NBR1: variants seen among roughly 807,000 people sequenced by gnomAD.
NBR1 encodes next to BRCA1 gene 1 protein.
In NBR1, 59 loss-of-function variants were observed where a neutral mutation model predicts 115.5. The ratio of observed to expected loss-of-function variants is 0.51; its 90% CI spans 0.41 to 0.63. The LOEUF (loss-of-function observed/expected upper bound fraction) is 0.63, where lower values mean the gene tolerates loss of function less well. Among genes scored for constraint, NBR1 ranks in the 30% least tolerant of loss-of-function variants. The pLI is 0.00. For synonymous variants in NBR1, 373 were observed against 414.7 expected, an observed-to-expected ratio of 0.90 and a Z score of 1.22; for missense variants, 1,043 against 1,150.5, an observed-to-expected ratio of 0.91 and a Z score of 1.35.
chr17:43,192,193 G>A (rs2056964767), intron 10 of NBR1, among the ~76,000 whole-genome samples: 1 of 147,650 alleles, frequency 6.8e-6, no homozygotes, highest in South Asian at 2.2e-4. Flanking sequence ...GCTAATTTTT[G>A]TATTTTTTCA....
rs1317762673 is a variant in NBR1, at chr17:43,200,421, G to C, written c.2281G>C (p.Glu761Gln). ...CTCTGCGCTCTCACAGCCAGGCCTG[G>C]AGCGAGGTGCTGAAGGCAAGCCTGG... The part of the protein sequence containing the change: ...YSSALSQPGL[E>Q]RGAEGKPGVE... The change falls in exon 17 of 21, where the codon GAG becomes CAG. Residue 761 changes from glutamate (E) to glutamine (Q), a missense_variant. Glu to Gln is a conservative substitution (Grantham distance 29). Coordinates refer to ENST00000590996, the MANE Select transcript of NBR1 (RefSeq NM_005899.5). 2 of 1,609,838 alleles carry C rather than the reference G, an allele frequency of 1.2e-6. No individual in the cohort carries two copies. Among genetic ancestry groups the C allele is most frequent in the Non-Finnish European group, 1.7e-6 (2 of 1,178,086 alleles).
intron 10 of NBR1, 46 bp downstream of exon 10, chr17:43,191,627 T>C: frequency 7.4e-7 from 1 of 1,350,786 alleles, no homozygotes; most frequent in Non-Finnish European, 1.0e-6. Context: ...GGCCCAGCTC[T>C]CTGAAACTGG....
chr17:43,186,575 T>C (rs2056807703), intron 6 of NBR1, 131 bp downstream of exon 6: 1 of 796,676 alleles, frequency 1.3e-6, no homozygotes, highest in African/African-American at 1.8e-5. Flanking sequence ...AATGTGCAGG[T>C]TTGTTATATA....
intron 20 of NBR1, among the ~76,000 whole-genome samples, chr17:43,204,887 C>T (rs959580436): frequency 1.3e-5 from 2 of 150,688 alleles, no homozygotes; most frequent in African/African-American, 2.4e-5. Context: ...GTGGGAGGAT[C>T]ACTTGAGCAC....
intron 5 of NBR1, among the ~76,000 whole-genome samples, chr17:43,182,211 CTTTTTTTTTTTT>C (rs752789312): frequency 1.1e-4 from 8 of 71,570 alleles, no homozygotes; most frequent in Admixed American, 2.3e-4. Flanking sequence ...CTGTTCTCTC[CTTTTTTTTTTTT>C]TTTTTTTTTT....
chr17:43,171,075 T>C (rs1453169864), upstream of NBR1: 1 of 152,660 alleles, frequency 6.6e-6, no homozygotes, highest in Non-Finnish European at 1.5e-5. Flanking sequence ...CGGGTTCAGG[T>C]TGCTTCTGCC....
chr17:43,190,073 T>C (rs2056906716), intron 8 of NBR1: 3 of 433,774 alleles, frequency 6.9e-6, no homozygotes, highest in South Asian at 3.0e-5. Flanking sequence ...TAAGGGTAGT[T>C]CCTCGGTTGT....
At chr17:43,194,327 G>A in intron 12 of NBR1, 23 bp from the exon 13 acceptor site, 1 of 1,593,528 alleles carries the variant, frequency 6.3e-7, no homozygotes, top group Non-Finnish European at 8.6e-7. Context: ...CCTAAAATTT[G>A]TCTCAATGGT....
intron 3 of NBR1, among the ~76,000 whole-genome samples, chr17:43,178,715 C>T (rs1046569040): frequency 1.3e-5 from 2 of 149,786 alleles, no homozygotes; most frequent in Non-Finnish European, 3.0e-5. Context: ...CTTAAGTTCA[C>T]ATATAGCACA....
At chr17:43,198,426 G>A (rs1358193697) in intron 16 of NBR1, among the ~76,000 whole-genome samples, 4 of 151,824 alleles carry the variant, frequency 2.6e-5, no homozygotes, top group East Asian at 1.9e-4. Flanking sequence ...AGGCCGAGGC[G>A]GACAGATCAC....
At chr17:43,192,675 C>T (rs1019836780) in intron 10 of NBR1, among the ~76,000 whole-genome samples, 4 of 152,102 alleles carry the variant, frequency 2.6e-5, no homozygotes, top group African/African-American at 4.8e-5. Context: ...GGCCAAGTTT[C>T]GTAGTTATTT....
At chr17:43,170,856 G>C (rs1161397890), upstream of NBR1, 2 of 152,170 alleles carry the variant, frequency 1.3e-5, no homozygotes, top group Admixed American at 1.3e-4. Flanking sequence ...TGAGAGCAGA[G>C]ACTAGGCCAA....
chr17:43,200,412 C>G lies in NBR1; in HGVS notation c.2272C>G (p.Pro758Ala). 1 of 1,606,792 alleles carries G rather than the reference C, an allele frequency of 6.2e-7. No homozygotes were observed. Among genetic ancestry groups the G allele is most frequent in the African/African-American group, 1.3e-5 (1 of 74,940 alleles). The stretch of plus-strand genomic sequence containing the variant: ...TATGTACAGCTCTGCGCTCTCACAG[C>G]CAGGCCTGGAGCGAGGTGCTGAAGG... Reference protein sequence around the residue: ...DSMYSSALSQPGLERGAEGKP... With the variant: ...DSMYSSALSQAGLERGAEGKP... The change falls in exon 17 of 21, where the codon CCA becomes GCA. Residue 758 changes from proline to alanine, a missense_variant. Pro to Ala is a conservative substitution (Grantham distance 27, BLOSUM62 -1). Coordinates refer to ENST00000590996, the MANE Select transcript of NBR1 (RefSeq NM_005899.5).
At chr17:43,201,819 C>T in intron 18 of NBR1, 39 bp downstream of exon 18, 1 of 1,177,242 alleles carries the variant, frequency 8.5e-7, no homozygotes, top group Non-Finnish European at 1.3e-6. Flanking sequence ...TTTCTCTGCT[C>T]CTGTCTAATG....
chr17:43,189,127 T>C lies in NBR1; in HGVS notation c.480+8T>C, dbSNP rs553910819. 4 of 1,597,442 alleles carry C rather than the reference T, an allele frequency of 2.5e-6. No homozygotes were observed. The Admixed American group carries it at 5.0e-5, about 20-fold the overall frequency. On this transcript the variant is annotated splice_region_variant and intron_variant, in intron 7 of 20. Transcript: ENST00000590996. Reference sequence around the variant, plus strand: ...ACAAGCTACCTGGAGACGGTGAGTGTTCTGTCTCGCTTGGGTTTTAACTGC... The same window carrying C: ...ACAAGCTACCTGGAGACGGTGAGTGCTCTGTCTCGCTTGGGTTTTAACTGC...
chr17:43,200,725 CAA>C, intron 17 of NBR1, 117 bp downstream of exon 17: 1 of 839,172 alleles, frequency 1.2e-6, no homozygotes, highest in East Asian at 2.7e-5. Context: ...TTTTCCATAG[CAA>C]AGTCTGAATT....
At chr17:43,178,600 C>T (rs2056585781) in intron 3 of NBR1, among the ~76,000 whole-genome samples, 1 of 151,918 alleles carries the variant, frequency 6.6e-6, no homozygotes, top group African/African-American at 2.4e-5. Context: ...TGGTCTCGAA[C>T]TCCTGGGCTC....
chr17:43,201,899 G>T, intron 18 of NBR1, 119 bp downstream of exon 18: 2 of 658,670 alleles, frequency 3.0e-6, no homozygotes, highest in Non-Finnish European at 2.7e-6. Context: ...CCCTTCACAG[G>T]CCAGGCGTGG....
chr17:43,181,680 AC>A (rs1567848456), intron 5 of NBR1, among the ~76,000 whole-genome samples: 1 of 151,396 alleles, frequency 6.6e-6, no homozygotes, highest in Non-Finnish European at 1.5e-5. Context: ...AAAAAAACAA[AC>A]AAACCAAAAA....
Sources: gnomAD v4.1 joint callset for allele counts (sites outside exome capture counted in the v4.1 genomes callset) on GRCh38, gnomAD v4.1.1 for gene constraint, MANE v1.5 for transcripts, NCBI Gene and HGNC (gene_info 2026-07-23, HGNC 2026-07-21) for gene names.